The following GALNT1 variants were observed in gnomAD, a reference collection of about 807,000 sequenced individuals.
GALNT1 encodes GalNAc transferase 1.
Under a neutral mutation model 65.7 loss-of-function variants are expected in GALNT1, and 17 were observed. That is an observed-to-expected ratio of 0.26 (90% CI 0.18 to 0.39). GALNT1 has a LOEUF of 0.39. Ranked by LOEUF, GALNT1 falls within the 10% of genes least tolerant of loss-of-function variation. The pLI, the probability that GALNT1 is intolerant of heterozygous loss-of-function variation, is 1.00. For missense variants in GALNT1, 460 were observed against 672.8 expected (o/e 0.68, Z 3.50); for synonymous variants, 210 against 219.7 (o/e 0.96, Z 0.39).
intron 9 of GALNT1, among the ~76,000 whole-genome samples, chr18:35,698,484 A>T (rs1178250740): frequency 6.6e-6 from 1 of 152,140 alleles, no homozygotes; most frequent in African/African-American, 2.4e-5. Context: ...ATAAAATAAA[A>T]TAAAATAAAT....
rs191526933 is a variant in GALNT1 at position 35,631,437 on chromosome 18, C to T, written c.-103-23123C>T. ...CAATAAATGTAATCCAGCATATAAA[C>T]AGAACCAACGAGAAAAGCCACATGA... On this transcript the variant is annotated intron_variant, in intron 1 of 11. Coordinates refer to ENST00000269195, the MANE Select transcript of GALNT1 (RefSeq NM_020474.4). Among the ~76,000 whole-genome samples, 699 of 152,202 alleles carry T rather than the reference C, an allele frequency of 4.6e-3. 8 individuals are homozygous for T. Among genetic ancestry groups the T allele is most frequent in the Non-Finnish European group, 6.2e-3 (421 of 68,008 alleles).
Position 35,581,846 on chromosome 18 carries a change from G to GCCA in GALNT1, c.-118_-117insACC, listed in dbSNP as rs1311741992. On this transcript the variant is annotated 5_prime_UTR_variant, in exon 1 of 12. Transcript: ENST00000269195. ...CCGGAGGACGCCTGCCGCCGCCGCC[G>GCCA]CCGCGCGCCTAGCGAGGTGAGTGTA... is the stretch of plus-strand genomic sequence containing the variant. The GCCA allele has an allele frequency of 2.5e-5, 3 of 118,486 alleles. No individual in the cohort carries two copies. The highest frequency in any genetic ancestry group is 3.6e-5 in the Non-Finnish European group (2 of 55,744). The allele number at this position is 118,486 out of a possible 1,614,324, so 7.3% of individuals were successfully genotyped here. A position where few individuals can be genotyped will look rare whatever the true frequency, so the allele number is the denominator to read the frequency against.
At chr18:35,596,166 T>TA (rs2046502521) in intron 1 of GALNT1, 1 of 152,190 alleles carries the variant, frequency 6.6e-6, no homozygotes, top group South Asian at 2.1e-4. Flanking sequence ...AATGGGGGTT[T>TA]ATCTGAGCCC....
In GALNT1 at chr18:35,587,229, A is replaced by G. The variant is rs114291698; in HGVS notation, c.-104+5367A>G. Among the ~76,000 whole-genome samples the G allele has an allele frequency of 9.9e-3, 1,513 of 152,328 alleles. 31 individuals carry two copies. Among genetic ancestry groups the G allele is most frequent in the African/African-American group, 0.034 (1,432 of 41,572 alleles). On this transcript the variant is annotated intron_variant, in intron 1 of 11. Transcript: ENST00000269195. ...TTCCACAATCTTGCTGAACCTACTT[A>G]TTAGTTCTAGGAGTTCTTCTGGAGA...
intron 1 of GALNT1, among the ~76,000 whole-genome samples, chr18:35,630,754 T>A (rs1333999731): frequency 1.3e-5 from 2 of 152,040 alleles, no homozygotes; most frequent in Non-Finnish European, 1.5e-5. Context: ...AAAAAATCAA[T>A]GAATCCAGGA....
intron 1 of GALNT1, among the ~76,000 whole-genome samples, chr18:35,631,509 T>A (rs1333728913): frequency 6.6e-6 from 1 of 152,012 alleles, no homozygotes; most frequent in African/African-American, 2.4e-5. Context: ...TTCAACAGCC[T>A]TTCATGCTAA....
At chr18:35,597,225 G>C (rs1217266333) in intron 1 of GALNT1, 1 of 152,216 alleles carries the variant, frequency 6.6e-6, no homozygotes, top group Non-Finnish European at 1.5e-5. Context: ...GGTCATGCTG[G>C]ATGTACCAGG....
chr18:35,620,888 T>C (rs2046843116), intron 1 of GALNT1, among the ~76,000 whole-genome samples: 1 of 152,030 alleles, frequency 6.6e-6, no homozygotes, highest in Admixed American at 6.6e-5. Flanking sequence ...TAGTGAGTGA[T>C]AGGGTAGTGC....
intron 1 of GALNT1, among the ~76,000 whole-genome samples, chr18:35,626,104 C>G (rs1207341029): frequency 6.6e-6 from 1 of 152,176 alleles, no homozygotes; most frequent in Non-Finnish European, 1.5e-5. Context: ...CATACCAATT[C>G]TCTAGTCATT....
At chr18:35,661,868 T>C (rs1306319111) in intron 2 of GALNT1, among the ~76,000 whole-genome samples, 16 of 152,206 alleles carry the variant, frequency 1.1e-4, no homozygotes, top group Admixed American at 1.0e-3. Flanking sequence ...TATTTTGATT[T>C]TTCTATAAAG....
intron 1 of GALNT1, among the ~76,000 whole-genome samples, chr18:35,651,506 A>G (rs1273052088): frequency 1.3e-5 from 2 of 152,138 alleles, no homozygotes; most frequent in African/African-American, 2.4e-5. Context: ...CATTGTTACT[A>G]TATTACTTTG....
chr18:35,606,962 C>T (rs2046657923), intron 1 of GALNT1, among the ~76,000 whole-genome samples: 1 of 152,036 alleles, frequency 6.6e-6, no homozygotes, highest in South Asian at 2.1e-4. Context: ...CCAGAGGAAA[C>T]TGCCTGACCC....
At position 35,636,442 on chromosome 18, in the gene GALNT1, A is replaced by G. The variant is rs565040686; in HGVS notation, c.-103-18118A>G. Among the ~76,000 whole-genome samples, 4 of 152,314 alleles carry G rather than the reference A, an allele frequency of 2.6e-5. No individual in the cohort carries two copies. In the East Asian group the frequency reaches 7.7e-4, roughly 29 times the overall value. On this transcript the variant is annotated intron_variant, in intron 1 of 11. Coordinates refer to ENST00000269195, the MANE Select transcript of GALNT1 (RefSeq NM_020474.4). ...GACAGAAACAAAACAACTGTAGAAA[A>G]AACTTACTTTAAACAAACAAAACCT... is the stretch of plus-strand genomic sequence containing the variant.
intron 1 of GALNT1, among the ~76,000 whole-genome samples, chr18:35,625,548 C>T (rs2046906418): frequency 6.6e-6 from 1 of 152,054 alleles, no homozygotes; most frequent in Non-Finnish European, 1.5e-5. Context: ...GAAGACTTGC[C>T]TTAGGGATAG....
intron 1 of GALNT1, among the ~76,000 whole-genome samples, chr18:35,616,958 C>G (rs1390142399): frequency 6.6e-6 from 1 of 151,984 alleles, no homozygotes; most frequent in Non-Finnish European, 1.5e-5. Context: ...ACTGAGGAAC[C>G]CTGTAACCAT....
At chr18:35,606,683 A>C (rs934215372) in intron 1 of GALNT1, among the ~76,000 whole-genome samples, 2 of 152,128 alleles carry the variant, frequency 1.3e-5, no homozygotes, top group African/African-American at 4.8e-5. Context: ...TTATAGGAAG[A>C]CCTTGCCCAT....
chr18:35,675,123 A>G (rs566472876), intron 3 of GALNT1, among the ~76,000 whole-genome samples: 1 of 151,946 alleles, frequency 6.6e-6, no homozygotes, highest in South Asian at 2.1e-4. Context: ...TGTTCTATGA[A>G]CCCATCCCCC....
chr18:35,701,586 C>T, intron 9 of GALNT1, among the ~76,000 whole-genome samples: 1 of 152,054 alleles, frequency 6.6e-6, no homozygotes, highest in East Asian at 1.9e-4. Context: ...CTCTTGGAAA[C>T]ATATAATGTA....
At chr18:35,611,608 G>T (rs1041711922) in intron 1 of GALNT1, among the ~76,000 whole-genome samples, 8 of 152,142 alleles carry the variant, frequency 5.3e-5, no homozygotes, top group African/African-American at 1.9e-4. Context: ...CAAAAGTAAG[G>T]ATGTGGAGGA....
Sources: gnomAD v4.1 joint callset for allele counts (sites outside exome capture counted in the v4.1 genomes callset) on GRCh38, gnomAD v4.1.1 for gene constraint, MANE v1.5 for transcripts, NCBI Gene and HGNC (gene_info 2026-07-23, HGNC 2026-07-21) for gene names.